KCNH8: variants seen among roughly 807,000 people sequenced by gnomAD.
The protein encoded by KCNH8 is voltage-gated delayed rectifier potassium channel KCNH8.
Under a neutral mutation model 103.6 loss-of-function variants are expected in KCNH8, and 70 were observed. The observed-to-expected ratio is 0.68, with a 90% CI of 0.56 to 0.82. The LOEUF (loss-of-function observed/expected upper bound fraction) is 0.82, where lower values mean the gene tolerates loss of function less well. KCNH8 is among the 40% of genes least tolerant of loss of function. The pLI is 0.00. For synonymous variants in KCNH8, 498 were observed against 489.4 expected (o/e 1.02, Z -0.23); for missense variants, 1,217 against 1,329.9 (o/e 0.92, Z 1.32).
rs573076004 is a variant in KCNH8 at position 19,167,858 on chromosome 3, C to T, written c.76+19063C>T. 1.3e-4 allele frequency among the ~76,000 whole-genome samples: 20 copies of T among 152,136 alleles called. 1 individual carries two copies. The South Asian group carries it at 4.2e-3, about 32-fold the overall frequency. Reference sequence around the variant, plus strand: ...AGATTTCACCAGTTTTACATGGAATCATTTGTGTGTGTTTGTGTGTGAGTG... The same window carrying T: ...AGATTTCACCAGTTTTACATGGAATTATTTGTGTGTGTTTGTGTGTGAGTG... On this transcript the variant is annotated intron_variant, in intron 1 of 15. Transcript: ENST00000328405.
intron 7 of KCNH8, among the ~76,000 whole-genome samples, chr3:19,435,681 G>A (rs1044264399): frequency 1.3e-5 from 2 of 152,042 alleles, no homozygotes; most frequent in Non-Finnish European, 2.9e-5. Context: ...CACACATATC[G>A]TTTAGCAAAC....
intron 3 of KCNH8, among the ~76,000 whole-genome samples, chr3:19,317,921 A>G (rs547692346): frequency 6.6e-6 from 1 of 152,160 alleles, no homozygotes; most frequent in South Asian, 2.1e-4. Context: ...GGCACAAGAC[A>G]AGGATGCCCT....
chr3:19,436,785 C>A (rs980315772), intron 7 of KCNH8, among the ~76,000 whole-genome samples: 3 of 152,162 alleles, frequency 2.0e-5, no homozygotes, highest in Admixed American at 1.3e-4. Flanking sequence ...CATTCCAATA[C>A]AAATTTTTAT....
At chr3:19,274,222 A>G (rs11926350) in intron 2 of KCNH8, among the ~76,000 whole-genome samples, 8,175 of 152,254 alleles carry the variant, frequency 0.054, 727 homozygotes, top group African/African-American at 0.18. Flanking sequence ...CTCAATCTCC[A>G]TAATTGTAAA....
At chr3:19,291,110 T>C (rs1053400555) in intron 3 of KCNH8, among the ~76,000 whole-genome samples, 1 of 152,216 alleles carries the variant, frequency 6.6e-6, no homozygotes, top group African/African-American at 2.4e-5. Context: ...CATTTTTTAT[T>C]GCGTCTATTT....
In KCNH8 at chr3:19,319,664, C is replaced by T. The variant is rs1009306958; in HGVS notation, c.443-22923C>T. ...GCTAGGCAGGCTCTTTACTTGGTTC[C>T]ATATCAATTTCAGGATTGTTCTTTC... On this transcript the variant is annotated intron_variant, in intron 3 of 15. Transcript: ENST00000328405. 5.3e-5 allele frequency among the ~76,000 whole-genome samples: 8 copies of T among 152,042 alleles called. 1 individual carries two copies. Among genetic ancestry groups the T allele is most frequent in the Admixed American group, 5.2e-4 (8 of 15,248 alleles).
At chr3:19,228,950 G>A (rs181103558) in intron 1 of KCNH8, among the ~76,000 whole-genome samples, 18 of 152,288 alleles carry the variant, frequency 1.2e-4, no homozygotes, top group Admixed American at 3.9e-4. Context: ...GTCATGCAGC[G>A]AAGCCGGATC....
chr3:19,275,005 A>T (rs2064647438), intron 2 of KCNH8, among the ~76,000 whole-genome samples: 1 of 151,128 alleles, frequency 6.6e-6, no homozygotes, highest in South Asian at 2.1e-4. Context: ...TCAAGAATAT[A>T]TAAAAAATTA....
chr3:19,228,382 C>T (rs961656445), intron 1 of KCNH8, among the ~76,000 whole-genome samples: 3 of 152,162 alleles, frequency 2.0e-5, no homozygotes, highest in Admixed American at 2.0e-4. Context: ...CATTCTTAGC[C>T]TCAGGGCTGT....
chr3:19,484,116 T>G (rs2068150390), intron 11 of KCNH8, among the ~76,000 whole-genome samples: 1 of 152,192 alleles, frequency 6.6e-6, no homozygotes, highest in Non-Finnish European at 1.5e-5. Context: ...TCTTTTGTTC[T>G]GGCTAATACT....
chr3:19,455,502 A>T (rs2067517375), intron 10 of KCNH8, among the ~76,000 whole-genome samples: 1 of 152,078 alleles, frequency 6.6e-6, no homozygotes, highest in South Asian at 2.1e-4. Flanking sequence ...AGAAATAAGG[A>T]TACTGAGACC....
intron 1 of KCNH8, among the ~76,000 whole-genome samples, chr3:19,209,889 C>T (rs900465014): frequency 6.6e-6 from 1 of 151,928 alleles, no homozygotes; most frequent in Admixed American, 6.6e-5. Context: ...AATGTGTAGT[C>T]CCTAGGTAAG....
chr3:19,403,317 TACTC>T (rs1443694672), intron 7 of KCNH8, among the ~76,000 whole-genome samples: 3 of 146,446 alleles, frequency 2.0e-5, no homozygotes, highest in Admixed American at 6.9e-5. Context: ...TACAAACAAT[TACTC>T]ACTTTCTTCT....
Position 19,235,982 on chromosome 3 carries a change from A to G in KCNH8, c.77-17672A>G, listed in dbSNP as rs143455287. 2.9e-3 allele frequency among the ~76,000 whole-genome samples: 445 copies of G among 152,324 alleles called. 3 individuals carry two copies. Among genetic ancestry groups the G allele is most frequent in the African/African-American group, 0.01 (426 of 41,574 alleles). ...TGTAGTTAGAGATAATTTTTACATA[A>G]TGTCATCGAATAAATGATAGTTTTA... On this transcript the variant is annotated intron_variant, in intron 1 of 15. Transcript: ENST00000328405.
chr3:19,160,085 GAC>G (rs1391791902), intron 1 of KCNH8, among the ~76,000 whole-genome samples: 1 of 152,028 alleles, frequency 6.6e-6, no homozygotes, highest in Non-Finnish European at 1.5e-5. Context: ...AGAAAATGCA[GAC>G]ATTTACATTT....
intron 2 of KCNH8, among the ~76,000 whole-genome samples, chr3:19,260,804 A>G (rs1228658992): frequency 6.8e-6 from 1 of 147,934 alleles, no homozygotes; most frequent in African/African-American, 2.5e-5. Context: ...CTTTGTCTCT[A>G]TATATTTGAT....
At chr3:19,250,751 G>A (rs774848491) in intron 1 of KCNH8, among the ~76,000 whole-genome samples, 1 of 151,942 alleles carries the variant, frequency 6.6e-6, no homozygotes, top group Non-Finnish European at 1.5e-5. Flanking sequence ...CCACTGATTT[G>A]GTACTTATAT....
At chr3:19,308,729 CCTCTCT>C (rs1559470162) in intron 3 of KCNH8, among the ~76,000 whole-genome samples, 2 of 24,970 alleles carry the variant, frequency 8.0e-5, no homozygotes, top group African/African-American at 2.2e-4. Flanking sequence ...CCCCTCTCTC[CCTCTCT>C]CCCTCTCTCC....
chr3:19,512,833 C>A, intron 12 of KCNH8, 137 bp from the exon 13 acceptor site: 1 of 742,286 alleles, frequency 1.3e-6, no homozygotes, highest in South Asian at 1.9e-5. Flanking sequence ...ATAACAAAAT[C>A]TGCAAAGACT....
Sources: gnomAD v4.1 joint callset for allele counts (sites outside exome capture counted in the v4.1 genomes callset) on GRCh38, gnomAD v4.1.1 for gene constraint, MANE v1.5 for transcripts, NCBI Gene and HGNC (gene_info 2026-07-23, HGNC 2026-07-21) for gene names.